HCFC2: variants seen among roughly 807,000 people sequenced by gnomAD.
HCFC2 encodes the protein host cell factor 2.
A neutral mutation model predicts 89.2 loss-of-function variants in HCFC2; 18 were observed. The ratio of observed to expected loss-of-function variants is 0.20; its 90% CI spans 0.14 to 0.30. HCFC2 has a LOEUF of 0.30. HCFC2 is among the 10% of genes least tolerant of loss of function. The pLI is 1.00. For synonymous variants in HCFC2, 308 were observed against 335.7 expected (o/e 0.92, Z 0.90); for missense variants, 578 against 956.1 (o/e 0.60, Z 5.21).
chr12:104,087,466 C>CATATATATAT (rs10548496), intron 8 of HCFC2, among the ~76,000 whole-genome samples: 1 of 139,472 alleles, frequency 7.2e-6, no homozygotes, highest in African/African-American at 2.7e-5. Flanking sequence ...TATATATATA[C>CATATATATAT]ATATATATAT....
intron 7 of HCFC2, among the ~76,000 whole-genome samples, chr12:104,083,615 A>G (rs12318352): frequency 0.11 from 16,021 of 152,176 alleles, 1,088 homozygotes; most frequent in African/African-American, 0.18. Flanking sequence ...AAATGTGGTA[A>G]TATTAGGGGA....
chr12:104,077,547 C>A (rs1296777668), intron 3 of HCFC2, among the ~76,000 whole-genome samples: 1 of 142,552 alleles, frequency 7.0e-6, no homozygotes, highest in Non-Finnish European at 1.5e-5. Context: ...TGGCCCCTGG[C>A]CTGTTTTTTT....
Position 104,065,397 on chromosome 12 carries a change from CTT to C in HCFC2, c.163+676_163+677del, listed in dbSNP as rs1281205124. Among the ~76,000 whole-genome samples, 3 of 152,336 alleles carry C rather than the reference CTT, an allele frequency of 2.0e-5. No homozygotes were observed. The East Asian group carries it at 5.8e-4, about 29-fold the overall frequency. On this transcript the variant is annotated intron_variant, in intron 1 of 14. Transcript: ENST00000229330. ...GTGCCCCTGGGCAGGGAGCCCCTAT[CTT>C]TGAGGACCTCTGTGGAATAGAAAGG...
intron 7 of HCFC2, among the ~76,000 whole-genome samples, chr12:104,085,549 C>T (rs889641326): frequency 6.6e-6 from 1 of 152,060 alleles, no homozygotes; most frequent in African/African-American, 2.4e-5. Flanking sequence ...ATTTGAATGG[C>T]CTGTTTTTCT....
intron 9 of HCFC2, among the ~76,000 whole-genome samples, chr12:104,090,425 C>T (rs553374384): frequency 8.5e-5 from 13 of 152,222 alleles, no homozygotes; most frequent in African/African-American, 2.6e-4. Context: ...TGGTGTGCCT[C>T]ACCCAGTGGA....
rs140233488 is a variant in HCFC2 at position 104,085,819 on chromosome 12, C to T, written c.1064-1028C>T. Among the ~76,000 whole-genome samples the T allele has an allele frequency of 1.4e-4, 21 of 151,876 alleles. No homozygotes were observed. In the East Asian group the frequency reaches 4.1e-3, roughly 29 times the overall value. On this transcript the variant is annotated intron_variant, in intron 7 of 14. Coordinates refer to ENST00000229330, the MANE Select transcript of HCFC2 (RefSeq NM_013320.3). ...CACGTTCTTTGCTCGCACCTTTCCT[C>T]ATTTTACTTGCTTTACAAGCATTTA...
intron 2 of HCFC2, 44 bp from the exon 3 acceptor site, chr12:104,067,903 T>C: frequency 6.5e-7 from 1 of 1,540,994 alleles, no homozygotes. Flanking sequence ...TAGGAGTGCT[T>C]TCTTGATTTT....
At chr12:104,081,561 G>A (rs1593599092) in intron 5 of HCFC2, among the ~76,000 whole-genome samples, 1 of 148,210 alleles carries the variant, frequency 6.7e-6, no homozygotes, top group African/African-American at 2.5e-5. Context: ...AATATTAAAT[G>A]TAATAGTTTA....
chr12:104,075,763 T>C (rs1883474484), intron 3 of HCFC2, among the ~76,000 whole-genome samples: 1 of 152,228 alleles, frequency 6.6e-6, no homozygotes, highest in African/African-American at 2.4e-5. Flanking sequence ...CCCAGCATCT[T>C]TTAAACTTCT....
Position 104,088,012 on chromosome 12 carries a change from G to A in HCFC2, c.1258G>A (p.Gly420Ser), listed in dbSNP as rs1313206520. Residue 420 changes from glycine to serine, a missense_variant, in exon 9 of 15, where the codon GGC becomes AGC. By Grantham distance (56) the Gly-to-Ser change is moderately conservative. Transcript: ENST00000229330. ...QGVRMDPHRQ[G>S]SNNIVPNSIN... ...AGTCAGGATGGACCCTCACAGACAA[G>A]GCAGTAATAACATCGTTCCTAACAG... The A allele has an allele frequency of 6.2e-7, 1 of 1,608,460 alleles. No homozygotes were observed. The highest frequency in any genetic ancestry group is 8.5e-7 in the Non-Finnish European group (1 of 1,176,804).
intron 13 of HCFC2, among the ~76,000 whole-genome samples, chr12:104,099,966 G>A (rs1273019020): frequency 6.6e-6 from 1 of 152,080 alleles, no homozygotes; most frequent in African/African-American, 2.4e-5. Context: ...CAATGAGCTG[G>A]GTTTTAAGTC....
chr12:104,101,885 G>C lies in HCFC2; in HGVS notation c.1879-83G>C, dbSNP rs948191983. Reference sequence around the variant, plus strand: ...TAATTTATTCTTTAAAAGTTTTTTTGTTTAATAAAAATTGAATAATTTTTA... The same window carrying C: ...TAATTTATTCTTTAAAAGTTTTTTTCTTTAATAAAAATTGAATAATTTTTA... On this transcript the variant is annotated intron_variant, in intron 13 of 14. Transcript: ENST00000229330. 60 of 863,756 alleles carry C rather than the reference G, an allele frequency of 6.9e-5. No homozygotes were observed. The African/African-American group carries it at 9.7e-4, about 14-fold the overall frequency. The allele number at this position is 863,756 out of a possible 1,614,324, so 53.5% of individuals were successfully genotyped here. A position where few individuals can be genotyped will look rare whatever the true frequency, so the allele number is the denominator to read the frequency against.
chr12:104,087,439 G>GTATATATATATACA (rs1883891498), intron 8 of HCFC2, among the ~76,000 whole-genome samples: 1 of 99,226 alleles, frequency 1.0e-5, no homozygotes, highest in African/African-American at 3.6e-5. Flanking sequence ...GTGTGTGTGT[G>GTATATATATATACA]TGTATGTGTG....
In HCFC2 at chr12:104,066,404, T is replaced by C. The variant is rs80236222; in HGVS notation, c.312+89T>C. 7.7e-4 allele frequency: 679 copies of C among 877,168 alleles called. 8 individuals are homozygous for C. In the East Asian group the frequency reaches 0.016, roughly 21 times the overall value. 54.3% of individuals were successfully genotyped at this position (877,168 alleles called of 1,614,324 possible). ...AAAGATTGCAACATTACTAACATTG[T>C]TTAACACATTTTAATATTATTCAAG... On this transcript the variant is annotated intron_variant, in intron 2 of 14. Transcript: ENST00000229330.
In HCFC2 at chr12:104,095,405, A is replaced by T. The variant is rs777537217; in HGVS notation, c.1508A>T (p.Asp503Val). The change falls in exon 11 of 15, where the codon GAT becomes GTT. Residue 503 changes from aspartate to valine, a missense_variant. By Grantham distance (152) the Asp-to-Val change is radical (BLOSUM62 -3). This residue lies in a region of HCFC2 where 210 missense variants were observed against 251.7 expected (regional missense o/e 0.83). Transcript: ENST00000229330. The surrounding 1 kb of genome is among the most constrained non-coding windows in gnomAD (Gnocchi z 4.2). ...ANVGVLSSCL[D>V]VRTVIPETSV... ...GTAGGTGTTCTAAGTAGTTGCCTGGATGTAAGAACAGTAATTCCTGAAACA... is the reference window on the plus strand; with the variant it reads ...GTAGGTGTTCTAAGTAGTTGCCTGGTTGTAAGAACAGTAATTCCTGAAACA... 1.2e-6 allele frequency: 2 copies of T among 1,613,686 alleles called. No individual in the cohort carries two copies. The highest frequency in any genetic ancestry group is 1.7e-6 in the Non-Finnish European group (2 of 1,179,748).
At chr12:104,099,680 A>G (rs151166397) in intron 13 of HCFC2, among the ~76,000 whole-genome samples, 14 of 151,518 alleles carry the variant, frequency 9.2e-5, no homozygotes, top group East Asian at 1.9e-4. Flanking sequence ...TTGTTTGTTT[A>G]TTTGAGACAG....
At chr12:104,091,206 C>A (rs1376722224) in intron 9 of HCFC2, among the ~76,000 whole-genome samples, 4 of 152,236 alleles carry the variant, frequency 2.6e-5, no homozygotes, top group South Asian at 4.1e-4. Flanking sequence ...ACATTTCAAC[C>A]TTTCTGCCTA....
intron 3 of HCFC2, among the ~76,000 whole-genome samples, chr12:104,069,733 C>T (rs1883263230): frequency 6.6e-6 from 1 of 151,192 alleles, no homozygotes; most frequent in Admixed American, 6.6e-5. Flanking sequence ...GCAGAATGTG[C>T]AGGTTTGTTA....
chr12:104,098,738 C>T (rs575578912), intron 13 of HCFC2, among the ~76,000 whole-genome samples: 4 of 152,200 alleles, frequency 2.6e-5, no homozygotes, highest in Non-Finnish European at 5.9e-5. Flanking sequence ...CAGTGGCTCA[C>T]GCCTGTAATC....
Sources: gnomAD v4.1 joint callset for allele counts (sites outside exome capture counted in the v4.1 genomes callset) on GRCh38, gnomAD v4.1.1 for gene constraint, gnomAD v4.1.1 regional missense constraint, Gnocchi (gnomAD v3.1) non-coding constraint, MANE v1.5 for transcripts, NCBI Gene and HGNC (gene_info 2026-07-23, HGNC 2026-07-21) for gene names.